Variants in LACC1 observed in about 807,000 individuals in gnomAD.
LACC1 encodes laccase domain multifunctional purine nucleosidase 1.
In LACC1, 25 loss-of-function variants were observed where a neutral mutation model predicts 34.8. That is an observed-to-expected ratio of 0.72 (90% CI 0.52 to 1.00). The LOEUF is 1.00. LACC1 is among the 50% of genes least tolerant of loss of function. The pLI, the probability that LACC1 is intolerant of heterozygous loss-of-function variation, is 0.00. For synonymous variants in LACC1, 162 were observed against 168.0 expected, an observed-to-expected ratio of 0.96 and a Z score of 0.28; for missense variants, 426 against 511.2, an observed-to-expected ratio of 0.83 and a Z score of 1.61.
At chr13:43,889,827 T>C (rs1360857591) in intron 5 of LACC1, among the ~76,000 whole-genome samples, 1 of 152,222 alleles carries the variant, frequency 6.6e-6, no homozygotes, top group Non-Finnish European at 1.5e-5. Context: ...ACATTTCTTC[T>C]TAAATAAGCA....
Position 43,888,868 on chromosome 13 carries a change from C to CT in LACC1, c.1021dup (p.Cys341LeufsTer15). ...GTTGTACTTGGACCTTCAGTAGGAC[C>CT]TTGCTGTTTTACTCTTCCAAGGGAA... is the stretch of plus-strand genomic sequence containing the variant. On this transcript the variant is annotated frameshift_variant, in exon 5 of 7. Transcript: ENST00000325686. LOFTEE classifies it high-confidence loss of function. The CT allele has an allele frequency of 6.2e-7, 1 of 1,613,678 alleles. No individual in the cohort carries two copies. The highest frequency in any genetic ancestry group is 8.5e-7 in the Non-Finnish European group (1 of 1,179,636).
chr13:43,890,110 T>G lies in LACC1; in HGVS notation c.1134-4T>G. 6.2e-7 allele frequency: 1 copy of G among 1,600,226 alleles called. No homozygotes were observed. Among genetic ancestry groups the G allele is most frequent in the Non-Finnish European group, 8.5e-7 (1 of 1,174,576 alleles). On this transcript the variant is annotated splice_polypyrimidine_tract_variant and splice_region_variant and intron_variant, in intron 5 of 6. Coordinates refer to ENST00000325686, the MANE Select transcript of LACC1 (RefSeq NM_153218.4). ...GCTCTCTTTTGAAAAATATTTTTCC[T>G]AAGGATTCTTCTAGAACAGGGAGGA...
At chr13:43,881,733 A>G (rs948412268) in intron 2 of LACC1, among the ~76,000 whole-genome samples, 186 bp downstream of exon 2, 10 of 152,216 alleles carry the variant, frequency 6.6e-5, no homozygotes, top group African/African-American at 2.2e-4. Context: ...CAAGGGATAA[A>G]GCCTTCAAAG....
intron 3 of LACC1, among the ~76,000 whole-genome samples, chr13:43,882,643 A>G (rs964037058): frequency 2.0e-5 from 3 of 149,638 alleles, no homozygotes; most frequent in Non-Finnish European, 3.0e-5. Flanking sequence ...AGAAATTGTG[A>G]CTTTAAGTGA....
upstream of LACC1, chr13:43,879,809 GGGGCGAGGT>G (rs71099859): frequency 0.097 from 11,179 of 115,310 alleles, 461 homozygotes; most frequent in East Asian, 0.11. Flanking sequence ...GAGGCGAGGC[GGGGCGAGGT>G]GGGCGAGGTG....
intron 1 of LACC1, among the ~76,000 whole-genome samples, chr13:43,880,409 A>T (rs1378405698): frequency 6.6e-6 from 1 of 152,220 alleles, no homozygotes; most frequent in Non-Finnish European, 1.5e-5. Context: ...AGCCTGTCTC[A>T]TCCAAATCAC....
rs1955614449 is a variant in LACC1, at chr13:43,892,786, G to C, written c.*1339G>C. Reference sequence around the variant, plus strand: ...GTAAGAAAAAAAGGGTAGTTGTTTTGAAGAAGCCAGGATAGGTGTGGAAAG... The same window carrying C: ...GTAAGAAAAAAAGGGTAGTTGTTTTCAAGAAGCCAGGATAGGTGTGGAAAG... On this transcript the variant is annotated 3_prime_UTR_variant, in exon 7 of 7. Transcript: ENST00000325686. 6.6e-6 allele frequency: 1 copy of C among 152,118 alleles called. No homozygotes were observed. Among genetic ancestry groups the C allele is most frequent in the Non-Finnish European group, 1.5e-5 (1 of 67,964 alleles). 9.4% of individuals were successfully genotyped at this position (152,118 alleles called of 1,614,324 possible).
rs552050180 is a variant in LACC1, at chr13:43,891,551, A to G, written c.*104A>G. The G allele has an allele frequency of 6.5e-6, 6 of 921,494 alleles. No homozygotes were observed. In the South Asian group the frequency reaches 1.5e-4, roughly 23 times the overall value. The allele number at this position is 921,494 out of a possible 1,614,324, so 57.1% of individuals were successfully genotyped here. A position where few individuals can be genotyped will look rare whatever the true frequency, so the allele number is the denominator to read the frequency against. Reference sequence around the variant, plus strand: ...TTTACTTAAAACCAAATGGATTACAATGGATAATTCATCTTTTGGGTATAT... The same window carrying G: ...TTTACTTAAAACCAAATGGATTACAGTGGATAATTCATCTTTTGGGTATAT... On this transcript the variant is annotated 3_prime_UTR_variant, in exon 7 of 7. Coordinates refer to ENST00000325686, the MANE Select transcript of LACC1 (RefSeq NM_153218.4).
At chr13:43,890,334 C>A (rs1286559310) in intron 6 of LACC1, 60 bp downstream of exon 6, 1 of 1,357,312 alleles carries the variant, frequency 7.4e-7, no homozygotes. Flanking sequence ...CTCTCCACTT[C>A]TCCCTCCCTT....
chr13:43,884,222 A>C (rs1003983903), intron 4 of LACC1, among the ~76,000 whole-genome samples: 22 of 152,262 alleles, frequency 1.4e-4, no homozygotes, highest in African/African-American at 5.3e-4. Flanking sequence ...GGGTGCTATT[A>C]ACATTTTGGG....
intron 4 of LACC1, among the ~76,000 whole-genome samples, chr13:43,887,727 C>T (rs542593095): frequency 1.1e-4 from 17 of 152,010 alleles, no homozygotes; most frequent in African/African-American, 3.1e-4. Context: ...GTTAGAGAAA[C>T]GCAAATCAAA....
At chr13:43,881,708 T>C (rs1955064996) in intron 2 of LACC1, among the ~76,000 whole-genome samples, 161 bp downstream of exon 2, 1 of 152,208 alleles carries the variant, frequency 6.6e-6, no homozygotes, top group Admixed American at 6.5e-5. Flanking sequence ...TTTGGCCCTG[T>C]AGTATCAGGG....
chr13:43,889,829 A>G (rs1315387061), intron 5 of LACC1, among the ~76,000 whole-genome samples: 2 of 152,232 alleles, frequency 1.3e-5, no homozygotes, highest in African/African-American at 4.8e-5. Flanking sequence ...ATTTCTTCTT[A>G]AATAAGCACT....
At chr13:43,888,618 C>A in intron 4 of LACC1, 139 bp from the exon 5 acceptor site, 1 of 677,370 alleles carries the variant, frequency 1.5e-6, no homozygotes, top group Non-Finnish European at 2.5e-6. Flanking sequence ...ATTTAAAAAC[C>A]ACATGATAAT....
At chr13:43,883,245 A>G (rs1417181963) in intron 3 of LACC1, among the ~76,000 whole-genome samples, 1 of 152,230 alleles carries the variant, frequency 6.6e-6, no homozygotes, top group Non-Finnish European at 1.5e-5. Context: ...CAGAGAGTAT[A>G]CTACCACTGC....
chr13:43,883,770 G>C lies in LACC1; in HGVS notation c.742-1G>C. ...TTTTTGTTGCACATTTTTGGTATTA[G>C]ACTCATCATTCCAATGACATCTGGA... is the stretch of plus-strand genomic sequence containing the variant. On this transcript the variant is annotated splice_acceptor_variant, in intron 3 of 6. Transcript: ENST00000325686. LOFTEE classifies it high-confidence loss of function. 6.2e-7 allele frequency: 1 copy of C among 1,606,154 alleles called. No individual in the cohort carries two copies. Among genetic ancestry groups the C allele is most frequent in the Non-Finnish European group, 8.5e-7 (1 of 1,175,756 alleles).
intron 1 of LACC1, among the ~76,000 whole-genome samples, chr13:43,880,497 T>C (rs1241747961): frequency 2.6e-5 from 4 of 152,232 alleles, no homozygotes; most frequent in African/African-American, 9.6e-5. Context: ...TCTCAGCTTT[T>C]ATCATCTTAA....
intron 4 of LACC1, among the ~76,000 whole-genome samples, chr13:43,886,856 CTAATT>C (rs1451644928): frequency 6.6e-6 from 1 of 151,908 alleles, no homozygotes; most frequent in Non-Finnish European, 1.5e-5. Context: ...TTCTATGGGA[CTAATT>C]TAATAAAGAT....
chr13:43,890,632 T>C (rs1955533904), intron 6 of LACC1, among the ~76,000 whole-genome samples: 1 of 152,210 alleles, frequency 6.6e-6, no homozygotes, highest in Non-Finnish European at 1.5e-5. Flanking sequence ...TACTATGTAC[T>C]TGATATCTGT....
Sources: allele counts gnomAD v4.1 joint callset (sites outside exome capture counted in the v4.1 genomes callset), GRCh38; gene constraint gnomAD v4.1.1; transcripts MANE v1.5; gene names NCBI Gene and HGNC (gene_info 2026-07-23, HGNC 2026-07-21).